The following REEP3 variants were observed in gnomAD, a reference collection of about 807,000 sequenced individuals.
REEP3 encodes receptor accessory protein 3.
REEP3 carries 20 observed loss-of-function variants against 41.3 expected under a neutral mutation model. That is an observed-to-expected ratio of 0.48 (90% CI 0.34 to 0.70). The LOEUF (loss-of-function observed/expected upper bound fraction) is 0.70, where lower values mean the gene tolerates loss of function less well. Ranked by LOEUF, REEP3 falls within the 30% of genes least tolerant of loss-of-function variation. The pLI is 0.01. For missense variants in REEP3, 271 were observed against 308.8 expected (o/e 0.88, Z 0.92); for synonymous variants, 104 against 101.8 (o/e 1.02, Z -0.13).
chr10:63,592,077 T>A (rs1022547270), intron 2 of REEP3, among the ~76,000 whole-genome samples: 2 of 152,180 alleles, frequency 1.3e-5, no homozygotes, highest in African/African-American at 4.8e-5. Context: ...TCCACTTTCC[T>A]GGGAAAGGAG....
At chr10:63,611,668 A>G (rs1413832378) in intron 6 of REEP3, among the ~76,000 whole-genome samples, 1 of 152,104 alleles carries the variant, frequency 6.6e-6, no homozygotes, top group East Asian at 1.9e-4. Flanking sequence ...TATTAAAAAA[A>G]GAAGTTTTCT....
Position 63,598,058 on chromosome 10 carries a change from G to T in REEP3, c.217G>T (p.Val73Phe). The change falls in exon 4 of 8, where the codon GTC (valine) becomes TTC (phenylalanine). Residue 73 changes from valine to phenylalanine, a missense_variant. Coordinates refer to ENST00000373758, the MANE Select transcript of REEP3 (RefSeq NM_001001330.3). ...PLYYELKIAF[V>F]IWLLSPYTKG... is the part of the protein sequence containing the mutation. ...GTACTATGAGCTGAAGATTGCTTTT[G>T]TCATATGGCTGCTTTCTCCCTATAC... is the stretch of plus-strand genomic sequence containing the variant. 1.2e-6 allele frequency: 2 copies of T among 1,609,306 alleles called. No individual in the cohort carries two copies. Among genetic ancestry groups the T allele is most frequent in the African/African-American group, 2.7e-5 (2 of 74,882 alleles).
rs1956368865 is a variant in REEP3 at position 63,623,251 on chromosome 10, T to C, written c.*2382T>C. 6.6e-6 allele frequency: 1 copy of C among 152,240 alleles called. No individual in the cohort carries two copies. 9.4% of individuals were successfully genotyped at this position (152,240 alleles called of 1,614,324 possible). A position where few individuals can be genotyped will look rare whatever the true frequency, so the allele number is the denominator to read the frequency against. On this transcript the variant is annotated 3_prime_UTR_variant, in exon 8 of 8. Coordinates refer to ENST00000373758, the MANE Select transcript of REEP3 (RefSeq NM_001001330.3). ...GTTGATATCATTTTACTCTTCTTTC[T>C]CTTCTACATTTCTTAAATTTTGGTT...
chr10:63,562,262 T>G (rs567324894), intron 1 of REEP3, among the ~76,000 whole-genome samples: 107 of 151,898 alleles, frequency 7.0e-4, no homozygotes, highest in Admixed American at 1.2e-3. Flanking sequence ...AGAGTTTTTT[T>G]TTTTTTTTTT....
intron 5 of REEP3, among the ~76,000 whole-genome samples, chr10:63,606,939 T>G (rs1956234121): frequency 6.6e-6 from 1 of 152,252 alleles, no homozygotes. Flanking sequence ...AATCATATTA[T>G]GCATGTGCTA....
intron 6 of REEP3, among the ~76,000 whole-genome samples, chr10:63,619,159 C>T (rs1431600075): frequency 1.3e-5 from 2 of 152,194 alleles, no homozygotes; most frequent in East Asian, 3.9e-4. Context: ...CTGGGGTCTT[C>T]CTCAATGCCT....
chr10:63,549,225 ATG>A (rs1955605510), intron 1 of REEP3, among the ~76,000 whole-genome samples: 1 of 152,218 alleles, frequency 6.6e-6, no homozygotes, highest in Admixed American at 6.5e-5. Flanking sequence ...ATAAAGAACT[ATG>A]TCTCATTTAT....
intron 1 of REEP3, among the ~76,000 whole-genome samples, chr10:63,524,905 G>C (rs1955345967): frequency 6.6e-6 from 1 of 151,932 alleles, no homozygotes; most frequent in Non-Finnish European, 1.5e-5. Flanking sequence ...CTGGCTACTA[G>C]GGAAGCTGAG....
rs1344028136 is a variant in REEP3 at position 63,623,698 on chromosome 10, T to TTA, written c.*2831_*2832dup. On this transcript the variant is annotated 3_prime_UTR_variant, in exon 8 of 8. Transcript: ENST00000373758. ...ATAAGCCTTATTGCTAAATAATTAA[T>TTA]TATGTAAGCCCACCTAGGTCCTGCA... 6 of 152,172 alleles carry TTA rather than the reference T, an allele frequency of 3.9e-5. No individual in the cohort carries two copies. Among genetic ancestry groups the TTA allele is most frequent in the Admixed American group, 6.6e-5 (1 of 15,208 alleles). The allele number at this position is 152,172 out of a possible 1,614,324, so 9.4% of individuals were successfully genotyped here. A position where few individuals can be genotyped will look rare whatever the true frequency, so the allele number is the denominator to read the frequency against.
At chr10:63,570,324 T>C (rs1955841234) in intron 2 of REEP3, among the ~76,000 whole-genome samples, 1 of 152,246 alleles carries the variant, frequency 6.6e-6, no homozygotes, top group African/African-American at 2.4e-5. Context: ...TATATGTGTG[T>C]ATTTAGTTAC....
At chr10:63,531,720 C>G (rs186828851) in intron 1 of REEP3, among the ~76,000 whole-genome samples, 1 of 152,118 alleles carries the variant, frequency 6.6e-6, no homozygotes, top group East Asian at 1.9e-4. Flanking sequence ...TGATCCTTTA[C>G]GAGATATAGT....
intron 3 of REEP3, 95 bp from the exon 4 acceptor site, chr10:63,597,929 A>C (rs939161464): frequency 4.6e-6 from 5 of 1,078,814 alleles, no homozygotes; most frequent in Admixed American, 2.4e-5. Context: ...AACAAAAAAC[A>C]GCATAGTGAC....
chr10:63,576,260 G>A (rs544254260), intron 2 of REEP3, among the ~76,000 whole-genome samples: 1 of 152,216 alleles, frequency 6.6e-6, no homozygotes, highest in Non-Finnish European at 1.5e-5. Flanking sequence ...ATATTTTCCT[G>A]TGGCTGCCAT....
intron 1 of REEP3, among the ~76,000 whole-genome samples, chr10:63,524,593 G>A (rs191137701): frequency 1.6e-3 from 238 of 152,086 alleles, no homozygotes; most frequent in African/African-American, 5.2e-3. Context: ...ATAGGTGCAC[G>A]CCACCACACC....
chr10:63,602,453 A>C (rs1014496237), intron 5 of REEP3, among the ~76,000 whole-genome samples: 1 of 152,226 alleles, frequency 6.6e-6, no homozygotes, highest in African/African-American at 2.4e-5. Flanking sequence ...TGAAGATGCT[A>C]TCTGAATTTT....
chr10:63,607,097 A>G (rs565062995), intron 5 of REEP3, among the ~76,000 whole-genome samples: 1 of 152,250 alleles, frequency 6.6e-6, no homozygotes, highest in Admixed American at 6.5e-5. Context: ...AATTATACCC[A>G]TCCTTTAAAC....
chr10:63,551,407 A>G (rs1253055021), intron 1 of REEP3, among the ~76,000 whole-genome samples: 1 of 152,180 alleles, frequency 6.6e-6, no homozygotes, highest in African/African-American at 2.4e-5. Flanking sequence ...AGAAGAATCC[A>G]TATAATTTAT....
At chr10:63,529,929 C>T (rs1021313494) in intron 1 of REEP3, among the ~76,000 whole-genome samples, 1 of 151,864 alleles carries the variant, frequency 6.6e-6, no homozygotes, top group African/African-American at 2.4e-5. Context: ...CAGGTGGCCA[C>T]CACCATGCCC....
intron 2 of REEP3, among the ~76,000 whole-genome samples, chr10:63,593,997 T>TTA (rs1201193304): frequency 1.3e-5 from 2 of 152,082 alleles, no homozygotes; most frequent in Admixed American, 6.6e-5. Context: ...TCTGAACAAT[T>TTA]TATATATATT....
Sources: gnomAD v4.1 joint callset for allele counts (sites outside exome capture counted in the v4.1 genomes callset) on GRCh38, gnomAD v4.1.1 for gene constraint, MANE v1.5 for transcripts, NCBI Gene and HGNC (gene_info 2026-07-23, HGNC 2026-07-21) for gene names.